PCDHA3: variants seen among roughly 807,000 people sequenced by gnomAD.
PCDHA3 encodes protocadherin alpha-3.
PCDHA3 carries 41 observed loss-of-function variants against 62.2 expected under a neutral mutation model. The observed-to-expected ratio is 0.66, with a 90% CI of 0.51 to 0.86. The LOEUF (loss-of-function observed/expected upper bound fraction) is 0.86, where lower values mean the gene tolerates loss of function less well. Ranked by LOEUF, PCDHA3 falls within the 40% of genes least tolerant of loss-of-function variation. The pLI is 0.00. For synonymous variants in PCDHA3, 640 were observed against 555.4 expected (o/e 1.15, Z -2.14); for missense variants, 1,304 against 1,241.2 (o/e 1.05, Z -0.76).
At chr5:140,982,275 A>G (rs1315034472) in intron 2 of PCDHA3, 200 bp from the exon 3 acceptor site, 3 of 951,630 alleles carry the variant, frequency 3.2e-6, no homozygotes, top group Non-Finnish European at 4.5e-6. Context: ...GGAATAGTAT[A>G]GCAGGCAATA....
At chr5:140,841,727 A>G (rs2150321736) in intron 1 of PCDHA3, 1 of 1,613,902 alleles carries the variant, frequency 6.2e-7, no homozygotes, top group Admixed American at 1.7e-5. Context: ...GTTCCGGGTA[A>G]AAGACCAAAA....
Position 140,883,541 on chromosome 5 carries a change from G to T in PCDHA3, c.2394+79950G>T, listed in dbSNP as rs781952906. On this transcript the variant is annotated intron_variant, in intron 1 of 3. Coordinates refer to ENST00000522353, the MANE Select transcript of PCDHA3 (RefSeq NM_018906.3). Reference sequence around the variant, plus strand: ...GAGCGTATCAGCCTATGAACTGGTGGTGACCGCGCGGGACGGGGGCTCGCC... The same window carrying T: ...GAGCGTATCAGCCTATGAACTGGTGTTGACCGCGCGGGACGGGGGCTCGCC... 4.3e-6 allele frequency: 7 copies of T among 1,614,116 alleles called. No individual in the cohort carries two copies. In the East Asian group the frequency reaches 1.1e-4, roughly 26 times the overall value.
intron 1 of PCDHA3, chr5:140,927,238 G>A (rs782670286): frequency 1.2e-6 from 2 of 1,614,122 alleles, no homozygotes; most frequent in Non-Finnish European, 1.7e-6. Flanking sequence ...TCACGTCCTG[G>A]ACACCAATGA....
At position 140,848,738 on chromosome 5, in the gene PCDHA3, T is replaced by C. The variant is rs1554142405; in HGVS notation, c.2394+45147T>C. ...ACCTTCTGGAGGTAAATCTGCAGAA[T>C]GGCATTTTGTTTGTGAATTCTCGGA... On this transcript the variant is annotated intron_variant, in intron 1 of 3. Transcript: ENST00000522353. 9 of 1,592,802 alleles carry C rather than the reference T, an allele frequency of 5.7e-6. 1 individual carries two copies. Among genetic ancestry groups the C allele is most frequent in the Middle Eastern group, 1.7e-4 (1 of 5,866 alleles).
At position 140,828,215 on chromosome 5, in the gene PCDHA3, G is replaced by C. The variant is rs2150152436; in HGVS notation, c.2394+24624G>C. On this transcript the variant is annotated intron_variant, in intron 1 of 3. Coordinates refer to ENST00000522353, the MANE Select transcript of PCDHA3 (RefSeq NM_018906.3). Reference sequence around the variant, plus strand: ...CTCCGTACCCGAGGAGGCCAAACACGGCACCTTCGTGGGCCGGATCGCGCA... The same window carrying C: ...CTCCGTACCCGAGGAGGCCAAACACCGCACCTTCGTGGGCCGGATCGCGCA... The C allele has an allele frequency of 6.2e-6, 10 of 1,613,898 alleles. No individual in the cohort carries two copies. In the African/African-American group the frequency reaches 1.1e-4, roughly 17 times the overall value.
At position 140,809,153 on chromosome 5, in the gene PCDHA3, G is replaced by C. The variant is rs558715293; in HGVS notation, c.2394+5562G>C. On this transcript the variant is annotated intron_variant, in intron 1 of 3. Coordinates refer to ENST00000522353, the MANE Select transcript of PCDHA3 (RefSeq NM_018906.3). ...ACTGGTACTGGTGAAGGACCACGGC[G>C]AGCCCGCGCTGACGGCCACGGCCAC... 53 of 1,613,934 alleles carry C rather than the reference G, an allele frequency of 3.3e-5. No individual in the cohort carries two copies. The East Asian group carries it at 4.2e-4, about 13-fold the overall frequency.
At chr5:140,898,445 G>GAA (rs1317860515) in intron 1 of PCDHA3, among the ~76,000 whole-genome samples, 7 of 152,126 alleles carry the variant, frequency 4.6e-5, no homozygotes, top group Admixed American at 3.3e-4. Flanking sequence ...ATTAAATAGG[G>GAA]AATCCTTTCC....
At position 141,011,317 on chromosome 5, in the gene PCDHA3, T is replaced by C. The variant is rs1554263417; in HGVS notation, c.*1380T>C. On this transcript the variant is annotated 3_prime_UTR_variant, in exon 4 of 4. Transcript: ENST00000522353. ...TAACACTCTGAATTGCTAATCTTAC[T>C]AACACCTATGATGTTACCTGAAATC... 1 of 153,818 alleles carries C rather than the reference T, an allele frequency of 6.5e-6. No homozygotes were observed. The highest frequency in any genetic ancestry group is 2.4e-5 in the African/African-American group (1 of 41,470). 9.5% of individuals were successfully genotyped at this position (153,818 alleles called of 1,614,324 possible).
chr5:140,871,180 G>C (rs376198166), intron 1 of PCDHA3: 48 of 1,613,470 alleles, frequency 3.0e-5, no homozygotes, highest in Non-Finnish European at 3.9e-5. Context: ...GGCTGCGCTG[G>C]TGGATGTCAA....
At chr5:140,927,678 A>G in intron 1 of PCDHA3, 1 of 1,614,180 alleles carries the variant, frequency 6.2e-7, no homozygotes, top group Non-Finnish European at 8.5e-7. Context: ...ATCCAGATGA[A>G]GGGTCCAATG....
chr5:140,852,228 A>G, intron 1 of PCDHA3: 1 of 612,592 alleles, frequency 1.6e-6, no homozygotes, highest in Non-Finnish European at 2.1e-6. Context: ...TAATTTTTAA[A>G]TTTTCCCTTA....
chr5:140,923,039 A>G (rs998399771), intron 1 of PCDHA3, among the ~76,000 whole-genome samples: 2 of 152,236 alleles, frequency 1.3e-5, no homozygotes, highest in Non-Finnish European at 2.9e-5. Context: ...TACTACATGT[A>G]TAGTATTTAG....
At chr5:140,978,528 C>T (rs903940636) in intron 1 of PCDHA3, among the ~76,000 whole-genome samples, 1 of 152,192 alleles carries the variant, frequency 6.6e-6, no homozygotes, top group Non-Finnish European at 1.5e-5. Flanking sequence ...GCCAGGCCAG[C>T]AGAACTTGTG....
intron 3 of PCDHA3, among the ~76,000 whole-genome samples, chr5:140,998,569 G>GT (rs71574497): frequency 0.37 from 55,088 of 149,258 alleles, 10,597 homozygotes; most frequent in African/African-American, 0.48. Flanking sequence ...TTGTAAATAA[G>GT]TTTTTTTTTT....
At chr5:140,876,945 C>T (rs1405794987) in intron 1 of PCDHA3, 2 of 1,613,474 alleles carry the variant, frequency 1.2e-6, no homozygotes, top group East Asian at 2.2e-5. Flanking sequence ...CGCTGGTGTC[C>T]TACTCGCTGG....
At chr5:140,862,765 T>A in intron 1 of PCDHA3, 1 of 576,704 alleles carries the variant, frequency 1.7e-6, no homozygotes. Context: ...CGGCAAGAGG[T>A]ACGCGTTGCA....
chr5:140,838,287 T>TTTTC (rs200382821), intron 1 of PCDHA3, among the ~76,000 whole-genome samples: 30 of 150,176 alleles, frequency 2.0e-4, no homozygotes, highest in African/African-American at 7.4e-4. Context: ...CTAATTTTTT[T>TTTTC]TTTTTTTTGT....
Position 140,802,847 on chromosome 5 carries a change from G to A in PCDHA3, c.1650G>A (p.Thr550=). The A allele has an allele frequency of 6.2e-7, 1 of 1,613,552 alleles. No individual in the cohort carries two copies. Among genetic ancestry groups the A allele is most frequent in the Non-Finnish European group, 8.5e-7 (1 of 1,179,876 alleles). Residue 550 remains threonine (T), a synonymous_variant, in exon 1 of 4, where the codon ACG becomes ACA. Transcript: ENST00000522353. ...AGVPPLGSNV[T]LQVFVLDEND... Reference sequence around the variant, plus strand: ...TGCCGCCTCTGGGCAGCAACGTGACGCTGCAGGTGTTCGTGCTGGACGAGA... The same window carrying A: ...TGCCGCCTCTGGGCAGCAACGTGACACTGCAGGTGTTCGTGCTGGACGAGA...
Position 140,830,271 on chromosome 5 carries a change from C to T in PCDHA3, c.2394+26680C>T, listed in dbSNP as rs2150183888. Reference sequence around the variant, plus strand: ...ACAGCGCTGCGGTGCTCGGCGCCACCCACCGAGGGCGCGTGCACGGCGGAC... The same window carrying T: ...ACAGCGCTGCGGTGCTCGGCGCCACTCACCGAGGGCGCGTGCACGGCGGAC... On this transcript the variant is annotated intron_variant, in intron 1 of 3. Transcript: ENST00000522353. The T allele has an allele frequency of 4.3e-6, 7 of 1,613,820 alleles. 1 individual carries two copies. In the South Asian group the frequency reaches 7.7e-5, roughly 18 times the overall value.
Sources: allele counts gnomAD v4.1 joint callset (sites outside exome capture counted in the v4.1 genomes callset), GRCh38; gene constraint gnomAD v4.1.1; transcripts MANE v1.5; gene names NCBI Gene and HGNC (gene_info 2026-07-23, HGNC 2026-07-21).